The following SYN3 variants were observed in gnomAD, a reference collection of about 807,000 sequenced individuals.
The protein encoded by SYN3 is synapsin III.
Under a neutral mutation model 65.8 loss-of-function variants are expected in SYN3, and 35 were observed. The observed-to-expected ratio is 0.53, with a 90% CI of 0.41 to 0.70. SYN3 has a LOEUF of 0.70. SYN3 is among the 30% of genes least tolerant of loss of function. The pLI is 0.00. For missense variants in SYN3, 680 were observed against 749.0 expected, an observed-to-expected ratio of 0.91 and a Z score of 1.08; for synonymous variants, 270 against 292.9, an observed-to-expected ratio of 0.92 and a Z score of 0.80.
intron 6 of SYN3, among the ~76,000 whole-genome samples, chr22:32,616,758 GA>G (rs915604388): frequency 1.3e-5 from 2 of 152,132 alleles, no homozygotes; most frequent in African/African-American, 2.4e-5. Flanking sequence ...GAATTACGAA[GA>G]AAAAATGCTA....
At chr22:32,846,192 C>G (rs1435327807) in intron 6 of SYN3, among the ~76,000 whole-genome samples, 1 of 152,196 alleles carries the variant, frequency 6.6e-6, no homozygotes, top group Admixed American at 6.5e-5. Context: ...GTAGGCAATT[C>G]TTGGGTTACA....
At chr22:32,966,802 G>T (rs2051860522) in intron 3 of SYN3, among the ~76,000 whole-genome samples, 1 of 152,112 alleles carries the variant, frequency 6.6e-6, no homozygotes, top group South Asian at 2.1e-4. Flanking sequence ...TGTCATCGCG[G>T]CTACCCAGGA....
At chr22:32,729,233 G>A (rs1332690263) in intron 6 of SYN3, among the ~76,000 whole-genome samples, 2 of 152,206 alleles carry the variant, frequency 1.3e-5, no homozygotes, top group Non-Finnish European at 2.9e-5. Flanking sequence ...TGAGAGCAGT[G>A]CATGGCACAA....
At chr22:32,786,575 G>A (rs559582576) in intron 6 of SYN3, among the ~76,000 whole-genome samples, 286 of 151,542 alleles carry the variant, frequency 1.9e-3, no homozygotes, top group Middle Eastern at 3.4e-3. Flanking sequence ...TGTTAGCCAG[G>A]ATGGTCTCGA....
In SYN3 at chr22:32,837,341, C is replaced by G. The variant is rs565168533; in HGVS notation, c.711+27574G>C. 1.5e-3 allele frequency among the ~76,000 whole-genome samples: 224 copies of G among 152,250 alleles called. No individual in the cohort carries two copies. The highest frequency in any genetic ancestry group is 4.8e-3 in the African/African-American group (199 of 41,548). On this transcript the variant is annotated intron_variant, in intron 6 of 13. Transcript: ENST00000358763. The surrounding 1 kb of genome is among the most constrained non-coding windows in gnomAD (Gnocchi z 4.1). ...GGGGATAGGGGGTGGTCTCAGCCCC[C>G]CTCACCGAGTGCACTTGCATGGCAG...
chr22:32,834,394 C>T (rs2047670533), intron 6 of SYN3, among the ~76,000 whole-genome samples: 1 of 152,136 alleles, frequency 6.6e-6, no homozygotes, highest in African/African-American at 2.4e-5. Flanking sequence ...AACTCCTGAC[C>T]TCAGGTGATC....
At chr22:32,609,000 TA>T (rs1358442516) in intron 6 of SYN3, among the ~76,000 whole-genome samples, 1 of 152,162 alleles carries the variant, frequency 6.6e-6, no homozygotes, top group African/African-American at 2.4e-5. Context: ...CTATTTATTG[TA>T]AAAATATCTG....
chr22:32,859,471 CT>C (rs998617084), intron 6 of SYN3: 7 of 1,448,086 alleles, frequency 4.8e-6, no homozygotes, highest in African/African-American at 1.4e-5. Context: ...AAATTAGTGC[CT>C]GTTTTCTTGC....
intron 3 of SYN3, among the ~76,000 whole-genome samples, chr22:32,954,142 C>T (rs1292939617): frequency 1.3e-5 from 2 of 148,744 alleles, no homozygotes. Flanking sequence ...CAAAACAAAA[C>T]AAAACAAAAA....
rs2046592580 is a variant in SYN3, at chr22:32,801,893, G to T, written c.711+63022C>A. 16 of 1,352,282 alleles carry T rather than the reference G, an allele frequency of 1.2e-5. No individual in the cohort carries two copies. The highest frequency in any genetic ancestry group is 1.5e-5 in the Non-Finnish European group (16 of 1,056,842). The allele number at this position is 1,352,282 out of a possible 1,614,324, so 83.8% of individuals were successfully genotyped here. On this transcript the variant is annotated intron_variant, in intron 6 of 13. Transcript: ENST00000358763. This position sits in a 1 kb window ranked among gnomAD's most constrained non-coding sequence, Gnocchi z 4.7. The stretch of plus-strand genomic sequence containing the variant: ...GCGCGCCGGAGGCCAAGGTTGCCCC[G>T]CACGGCCCGGCGGGCGAGCGAGCTC...
intron 1 of SYN3, among the ~76,000 whole-genome samples, chr22:33,050,238 T>A (rs1029111687): frequency 6.6e-6 from 1 of 151,828 alleles, no homozygotes; most frequent in Non-Finnish European, 1.5e-5. Context: ...CCCCAGCAGT[T>A]TGGGAGGCTG....
chr22:33,045,003 C>T (rs1424118822), intron 1 of SYN3, among the ~76,000 whole-genome samples: 3 of 152,020 alleles, frequency 2.0e-5, no homozygotes, highest in Non-Finnish European at 2.9e-5. Context: ...CCACCACACC[C>T]GGCTAATTTT....
At chr22:32,909,241 A>G (rs959403580) in intron 4 of SYN3, among the ~76,000 whole-genome samples, 24 of 152,022 alleles carry the variant, frequency 1.6e-4, no homozygotes, top group African/African-American at 5.8e-4. Flanking sequence ...ACATAACTCC[A>G]CTCTCTGAGC....
At chr22:32,853,096 C>G (rs973279414) in intron 6 of SYN3, among the ~76,000 whole-genome samples, 2 of 152,190 alleles carry the variant, frequency 1.3e-5, no homozygotes, top group African/African-American at 4.8e-5. Context: ...AGTGGTTTGT[C>G]TAACCAAATG....
intron 6 of SYN3, among the ~76,000 whole-genome samples, chr22:32,628,965 G>A (rs796464090): frequency 3.4e-4 from 52 of 152,268 alleles, no homozygotes; most frequent in African/African-American, 1.1e-3. Context: ...AGACCCAGGA[G>A]GGCTCCTAGA....
chr22:32,896,925 C>A (rs2049608036), intron 4 of SYN3, among the ~76,000 whole-genome samples: 1 of 152,192 alleles, frequency 6.6e-6, no homozygotes, highest in Admixed American at 6.5e-5. Flanking sequence ...GCTTAGAAGT[C>A]ACGTATTCCC....
chr22:32,720,912 C>T (rs1391867777), intron 6 of SYN3, among the ~76,000 whole-genome samples: 4 of 152,178 alleles, frequency 2.6e-5, no homozygotes, highest in Non-Finnish European at 5.9e-5. Flanking sequence ...CACCTCTCTG[C>T]AACTCCTTCC....
chr22:32,747,305 A>G (rs1602048288), intron 6 of SYN3, among the ~76,000 whole-genome samples: 1 of 150,382 alleles, frequency 6.6e-6, no homozygotes, highest in Admixed American at 6.6e-5. Flanking sequence ...TTCCAAGACC[A>G]AAAACAAAAC....
chr22:33,039,306 G>A (rs530274502), intron 1 of SYN3, among the ~76,000 whole-genome samples: 1 of 151,932 alleles, frequency 6.6e-6, no homozygotes, highest in South Asian at 2.1e-4. Flanking sequence ...CCTCCAGGAG[G>A]TGTTTTAGCC....
Sources: allele counts gnomAD v4.1 joint callset (sites outside exome capture counted in the v4.1 genomes callset), GRCh38; gene constraint gnomAD v4.1.1; non-coding constraint Gnocchi (gnomAD v3.1); transcripts MANE v1.5; gene names NCBI Gene and HGNC (gene_info 2026-07-23, HGNC 2026-07-21).